FBXW7: variants seen among roughly 807,000 people sequenced by gnomAD.
FBXW7 encodes F-box and WD repeat domain containing 7.
FBXW7 carries 11 observed loss-of-function variants against 86.3 expected under a neutral mutation model. That is an observed-to-expected ratio of 0.13 (90% CI 0.08 to 0.21). The LOEUF is 0.21. Among genes scored for constraint, FBXW7 ranks in the 10% least tolerant of loss-of-function variants. The pLI is 1.00. For synonymous variants in FBXW7, 313 were observed against 297.9 expected (o/e 1.05, Z -0.52); for missense variants, 488 against 847.4 (o/e 0.58, Z 5.27).
intron 4 of FBXW7, among the ~76,000 whole-genome samples, chr4:152,351,990 A>C (rs1285479232): frequency 6.6e-6 from 1 of 152,156 alleles, no homozygotes; most frequent in Non-Finnish European, 1.5e-5. Flanking sequence ...GAAAATACTG[A>C]CTTCAGAACC....
intron 4 of FBXW7, among the ~76,000 whole-genome samples, chr4:152,357,893 G>A (rs529837326): frequency 3.7e-4 from 57 of 152,122 alleles, no homozygotes; most frequent in Non-Finnish European, 6.5e-4. Flanking sequence ...ATAATATGGG[G>A]GTTTTATTCG....
In FBXW7 at chr4:152,463,401, T is replaced by C. The variant is rs568744794; in HGVS notation, c.-119-50872A>G. ...AAAACCATAAGGAAATCACAATCTC[T>C]GTGATTTTTATTTCCACCATCTGCA... On this transcript the variant is annotated intron_variant, in intron 2 of 13. Transcript: ENST00000281708. Among the ~76,000 whole-genome samples, 10 of 152,326 alleles carry C rather than the reference T, an allele frequency of 6.6e-5. No homozygotes were observed. The South Asian group carries it at 1.7e-3, about 25-fold the overall frequency.
intron 2 of FBXW7, among the ~76,000 whole-genome samples, chr4:152,464,375 T>C (rs72721629): frequency 4.7e-4 from 71 of 152,170 alleles, no homozygotes; most frequent in Non-Finnish European, 8.7e-4. Flanking sequence ...TAATAAGCTT[T>C]TGAAATGAAA....
chr4:152,518,236 G>A (rs1188548909), intron 2 of FBXW7, among the ~76,000 whole-genome samples: 8 of 151,916 alleles, frequency 5.3e-5, no homozygotes, highest in Non-Finnish European at 8.8e-5. Flanking sequence ...TGATCCACCC[G>A]CCTTGGACTC....
intron 2 of FBXW7, among the ~76,000 whole-genome samples, chr4:152,462,645 G>A (rs1743056546): frequency 6.6e-6 from 1 of 152,198 alleles, no homozygotes; most frequent in Non-Finnish European, 1.5e-5. Context: ...GCAGTTGGAG[G>A]CTCTCATCTG....
intron 2 of FBXW7, among the ~76,000 whole-genome samples, chr4:152,435,836 C>A (rs2126964942): frequency 6.6e-6 from 1 of 152,308 alleles, no homozygotes; most frequent in Non-Finnish European, 1.5e-5. Context: ...CTCTGTATCA[C>A]ATTTTGGTAA....
intron 2 of FBXW7, among the ~76,000 whole-genome samples, chr4:152,458,368 A>G (rs1742634133): frequency 6.6e-6 from 1 of 152,244 alleles, no homozygotes; most frequent in Non-Finnish European, 1.5e-5. Flanking sequence ...AAGAAACTAT[A>G]CTAGTGATGG....
At chr4:152,355,117 TTC>T (rs1410256293) in intron 4 of FBXW7, among the ~76,000 whole-genome samples, 2 of 152,120 alleles carry the variant, frequency 1.3e-5, no homozygotes, top group Admixed American at 6.6e-5. Context: ...ATTTTCAACA[TTC>T]TCTGACGTAC....
chr4:152,360,564 TTC>T (rs1009333112), intron 4 of FBXW7, among the ~76,000 whole-genome samples: 3 of 152,010 alleles, frequency 2.0e-5, no homozygotes, highest in African/African-American at 7.2e-5. Flanking sequence ...CCCCAGCCCT[TTC>T]TCCCCACACC....
intron 2 of FBXW7, among the ~76,000 whole-genome samples, chr4:152,510,877 T>C (rs1747897407): frequency 6.6e-6 from 1 of 152,128 alleles, no homozygotes; most frequent in South Asian, 2.1e-4. Context: ...GAATAGAAAG[T>C]TGCTGCAATA....
intron 2 of FBXW7, among the ~76,000 whole-genome samples, chr4:152,432,793 CAG>C (rs983338183): frequency 1.4e-4 from 21 of 152,186 alleles, no homozygotes; most frequent in Admixed American, 1.4e-3. Flanking sequence ...GCCTGGGAAA[CAG>C]AGCGAGACAC....
intron 2 of FBXW7, among the ~76,000 whole-genome samples, chr4:152,462,383 T>C (rs1274755991): frequency 1.3e-5 from 2 of 152,250 alleles, no homozygotes; most frequent in South Asian, 2.1e-4. Flanking sequence ...CAGGAGCAGA[T>C]TCCGCTCTTG....
intron 2 of FBXW7, among the ~76,000 whole-genome samples, chr4:152,437,280 C>G (rs1400192836): frequency 1.3e-5 from 2 of 151,638 alleles, no homozygotes; most frequent in Admixed American, 1.3e-4. Context: ...GAGGCTGAGG[C>G]AGAAGAATCA....
At chr4:152,519,290 T>A (rs1227760076) in intron 2 of FBXW7, among the ~76,000 whole-genome samples, 1 of 151,710 alleles carries the variant, frequency 6.6e-6, no homozygotes, top group Non-Finnish European at 1.5e-5. Flanking sequence ...AGAGTGAGAC[T>A]CTGTCTCAAA....
At chr4:152,351,493 C>T (rs144638598) in intron 4 of FBXW7, among the ~76,000 whole-genome samples, 21 of 152,002 alleles carry the variant, frequency 1.4e-4, no homozygotes, top group African/African-American at 5.1e-4. Context: ...CTCTCAGAAA[C>T]CATTATTTTC....
chr4:152,529,119 A>C (rs906838806), intron 2 of FBXW7, among the ~76,000 whole-genome samples: 1 of 152,322 alleles, frequency 6.6e-6, no homozygotes, highest in Admixed American at 6.5e-5. Context: ...CAAAGTATCA[A>C]CAAACTGGAA....
intron 2 of FBXW7, among the ~76,000 whole-genome samples, chr4:152,489,683 A>G (rs1045130986): frequency 1.4e-4 from 21 of 152,142 alleles, no homozygotes; most frequent in African/African-American, 4.8e-4. Context: ...GGATGTGTTT[A>G]GAATTTATAA....
intron 2 of FBXW7, among the ~76,000 whole-genome samples, chr4:152,491,535 A>G (rs1040860545): frequency 6.6e-6 from 1 of 152,166 alleles, no homozygotes; most frequent in Non-Finnish European, 1.5e-5. Context: ...GTTTAGAATG[A>G]TATTTGGAAG....
chr4:152,485,599 TTCTG>T (rs1290552753), intron 2 of FBXW7, among the ~76,000 whole-genome samples: 2 of 152,334 alleles, frequency 1.3e-5, no homozygotes, highest in East Asian at 3.9e-4. Context: ...TATTTTCTTA[TTCTG>T]TCTAATGAAA....
Sources: allele counts gnomAD v4.1 joint callset (sites outside exome capture counted in the v4.1 genomes callset), GRCh38; gene constraint gnomAD v4.1.1; transcripts MANE v1.5; gene names NCBI Gene and HGNC (gene_info 2026-07-23, HGNC 2026-07-21).